The following ITGA11 variants were observed in gnomAD, a reference collection of about 807,000 sequenced individuals.
ITGA11 encodes the protein integrin alpha-11.
A neutral mutation model predicts 141.9 loss-of-function variants in ITGA11; 97 were observed. The ratio of observed to expected loss-of-function variants is 0.68; its 90% CI spans 0.58 to 0.81. The LOEUF (loss-of-function observed/expected upper bound fraction) is 0.81. ITGA11 is among the 30% of genes least tolerant of loss of function. The pLI, the probability that ITGA11 is intolerant of heterozygous loss-of-function variation, is 0.00. For missense variants in ITGA11, 1,387 were observed against 1,559.2 expected (o/e 0.89, Z 1.86); for synonymous variants, 658 against 624.6 (o/e 1.05, Z -0.80).
chr15:68,308,756 G>GAAAA lies in ITGA11; in HGVS notation c.3175-1064_3175-1061dup, dbSNP rs1893279830. On this transcript the variant is annotated intron_variant, in intron 26 of 29. Coordinates refer to ENST00000315757, the MANE Select transcript of ITGA11 (RefSeq NM_001004439.2). The surrounding 1 kb of genome is among the most constrained non-coding windows in gnomAD (Gnocchi z 5.2). ...GACTCTGTCTCAAAAGAAAAGAAAA[G>GAAAA]AAAAGAAAGAAAAGAAAAGAAAAGA... Among the ~76,000 whole-genome samples, 1 of 3,390 alleles carries GAAAA rather than the reference G, an allele frequency of 2.9e-4. No individual in the cohort carries two copies. The highest frequency in any genetic ancestry group is 4.1e-3 in the Admixed American group (1 of 246). The allele number at this position is 3,390 out of a possible 152,430, so 2.2% of individuals were successfully genotyped here.
At chr15:68,429,364 T>C (rs919150952) in intron 1 of ITGA11, among the ~76,000 whole-genome samples, 6 of 152,220 alleles carry the variant, frequency 3.9e-5, no homozygotes, top group African/African-American at 1.4e-4. Context: ...TAACAGGTGC[T>C]CAGCAAAGAT....
rs539873187 is a variant in ITGA11 at position 68,343,993 on chromosome 15, G to A, written c.1132-4349C>T. Among the ~76,000 whole-genome samples, 9 of 152,268 alleles carry A rather than the reference G, an allele frequency of 5.9e-5. No homozygotes were observed. In the East Asian group the frequency reaches 1.2e-3, roughly 20 times the overall value. On this transcript the variant is annotated intron_variant, in intron 10 of 29. Coordinates refer to ENST00000315757, the MANE Select transcript of ITGA11 (RefSeq NM_001004439.2). ...CAGAAGGGGCCGCGGGGACCTGGGC[G>A]TGCTACACTGACTGCTCATTCCCCA...
Position 68,332,066 on chromosome 15 carries a change from C to T in ITGA11, c.1567-4G>A, listed in dbSNP as rs768974968. 1.5e-5 allele frequency: 24 copies of T among 1,585,940 alleles called. 1 individual carries two copies. In the Middle Eastern group the frequency reaches 5.0e-4, roughly 33 times the overall value. ...TTCCGTTATAAACAAACAGGTTCTGCAAAACCAGGGGCAGAAAAAGGCTGG... is the reference window on the plus strand; with the variant it reads ...TTCCGTTATAAACAAACAGGTTCTGTAAAACCAGGGGCAGAAAAAGGCTGG... On this transcript the variant is annotated splice_region_variant and splice_polypyrimidine_tract_variant and intron_variant, in intron 13 of 29. Coordinates refer to ENST00000315757, the MANE Select transcript of ITGA11 (RefSeq NM_001004439.2).
rs576173743 is a variant in ITGA11, at chr15:68,322,488, C to T, written c.2323-985G>A. 4.9e-4 allele frequency among the ~76,000 whole-genome samples: 74 copies of T among 152,118 alleles called. No individual in the cohort carries two copies. Among genetic ancestry groups the T allele is most frequent in the Non-Finnish European group, 9.1e-4 (62 of 67,990 alleles). On this transcript the variant is annotated intron_variant, in intron 18 of 29. Transcript: ENST00000315757. This position sits in a 1 kb window ranked among gnomAD's most constrained non-coding sequence, Gnocchi z 5.6. ...GGATCAATAGGAACCTGGAGGTTGT[C>T]GGGGCTGAGGGAGAAAGGGGTCCAG... is the stretch of plus-strand genomic sequence containing the variant.
chr15:68,380,542 G>A (rs1453520830), intron 2 of ITGA11, among the ~76,000 whole-genome samples: 7 of 152,190 alleles, frequency 4.6e-5, no homozygotes, highest in Non-Finnish European at 1.0e-4. Flanking sequence ...CGCAAGAGGG[G>A]TCTCCAGGTG....
chr15:68,369,145 C>T (rs375028734), intron 3 of ITGA11, 39 bp downstream of exon 3: 21 of 1,448,318 alleles, frequency 1.4e-5, no homozygotes, highest in African/African-American at 1.1e-4. Context: ...GTTAGACAAC[C>T]GCTGGCCTCA....
chr15:68,324,675 A>G lies in ITGA11; in HGVS notation c.2322+456T>C, dbSNP rs566716118. 2.2e-4 allele frequency among the ~76,000 whole-genome samples: 33 copies of G among 152,180 alleles called. 1 individual carries two copies. In the South Asian group the frequency reaches 6.6e-3, roughly 31 times the overall value. ...TGCTTAGGACCGCTGTCAGTCAGTT[A>G]AAACACTTCTTTTTGCAATACTTAG... On this transcript the variant is annotated intron_variant, in intron 18 of 29. Transcript: ENST00000315757. This position sits in a 1 kb window ranked among gnomAD's most constrained non-coding sequence, Gnocchi z 6.3.
chr15:68,393,757 G>T (rs1486607335), intron 2 of ITGA11, among the ~76,000 whole-genome samples: 1 of 152,126 alleles, frequency 6.6e-6, no homozygotes, highest in Non-Finnish European at 1.5e-5. Context: ...TATCTCAAAT[G>T]AGAGCACAGA....
rs1250101992 is a variant in ITGA11, at chr15:68,297,415, A to C, written c.*5644T>G. ...TTAATAGATTTAGGGACATCTGTAC[A>C]GTTCTGCACTTCTGAGCTTTTTTTT... On this transcript the variant is annotated 3_prime_UTR_variant, in exon 30 of 30. Transcript: ENST00000315757. The C allele has an allele frequency of 7.0e-6, 1 of 142,578 alleles. No homozygotes were observed. Among genetic ancestry groups the C allele is most frequent in the Non-Finnish European group, 1.5e-5 (1 of 66,326 alleles). 8.8% of individuals were successfully genotyped at this position (142,578 alleles called of 1,614,324 possible). A position where few individuals can be genotyped will look rare whatever the true frequency, so the allele number is the denominator to read the frequency against.
At chr15:68,427,717 T>C (rs1422098646) in intron 1 of ITGA11, among the ~76,000 whole-genome samples, 2 of 152,162 alleles carry the variant, frequency 1.3e-5, no homozygotes, top group Admixed American at 1.3e-4. Context: ...GTAACAAACT[T>C]AATGGGCATT....
chr15:68,380,693 T>C (rs1034017818), intron 2 of ITGA11, among the ~76,000 whole-genome samples: 3 of 152,164 alleles, frequency 2.0e-5, no homozygotes, highest in Non-Finnish European at 4.4e-5. Flanking sequence ...GGGTCCCGCA[T>C]GGTGCCGGCG....
chr15:68,370,807 A>T (rs1209703003), intron 2 of ITGA11, among the ~76,000 whole-genome samples: 1 of 152,162 alleles, frequency 6.6e-6, no homozygotes, highest in Non-Finnish European at 1.5e-5. Context: ...CTGCCTGGTG[A>T]CATGGCCCAA....
intron 22 of ITGA11, among the ~76,000 whole-genome samples, chr15:68,314,647 G>A (rs977119960): frequency 6.6e-6 from 1 of 152,160 alleles, no homozygotes; most frequent in Non-Finnish European, 1.5e-5. Flanking sequence ...CAGAGACACT[G>A]CTCTGCAAGC....
At chr15:68,430,977 A>G (rs1298550472) in intron 1 of ITGA11, among the ~76,000 whole-genome samples, 3 of 152,156 alleles carry the variant, frequency 2.0e-5, no homozygotes, top group African/African-American at 7.2e-5. Context: ...GACCCCCACT[A>G]CTGGCCCCAG....
chr15:68,317,616 G>A (rs1239857671), intron 20 of ITGA11, among the ~76,000 whole-genome samples: 2 of 112,360 alleles, frequency 1.8e-5, no homozygotes, highest in Admixed American at 1.0e-4. Flanking sequence ...GGAGGATGGC[G>A]GGGGCTCATG....
At position 68,422,164 on chromosome 15, in the gene ITGA11, G is replaced by A. The variant is rs146264741; in HGVS notation, c.52+9851C>T. Among the ~76,000 whole-genome samples the A allele has an allele frequency of 2.4e-3, 360 of 152,276 alleles. 1 individual carries two copies. Among genetic ancestry groups the A allele is most frequent in the African/African-American group, 7.9e-3 (330 of 41,550 alleles). On this transcript the variant is annotated intron_variant, in intron 1 of 29. Transcript: ENST00000315757. ...ACTCAGGCCCGCACCACTGAGGCAC[G>A]TCTGTGTGAAAGCTCCCAGTCAAAC... is the stretch of plus-strand genomic sequence containing the variant.
chr15:68,382,156 G>T (rs1303966409), intron 2 of ITGA11, among the ~76,000 whole-genome samples: 1 of 152,190 alleles, frequency 6.6e-6, no homozygotes, highest in Non-Finnish European at 1.5e-5. Context: ...ATTTCAAGAA[G>T]CCATAAAGAA....
chr15:68,332,199 G>A (rs1221904188), intron 13 of ITGA11, 137 bp from the exon 14 acceptor site: 2 of 1,260,452 alleles, frequency 1.6e-6, no homozygotes, highest in East Asian at 5.1e-5. Context: ...TATGAACCCA[G>A]CCACAGAGGA....
Position 68,335,763 on chromosome 15 carries a change from C to G in ITGA11, c.1359G>C (p.Lys453Asn). 1 of 1,613,882 alleles carries G rather than the reference C, an allele frequency of 6.2e-7. No homozygotes were observed. The highest frequency in any genetic ancestry group is 8.5e-7 in the Non-Finnish European group (1 of 1,179,854). Residue 453 changes from lysine to asparagine, a missense_variant, in exon 12 of 30, where the codon AAG (lysine) becomes AAC (asparagine). By Grantham distance (94) the Lys-to-Asn change is moderately conservative. Transcript: ENST00000315757. The surrounding 1 kb of genome is among the most constrained non-coding windows in gnomAD (Gnocchi z 4.9). ...AGAPRFNHTG[K>N]VILFTMHNNR... ...TGTTGTGCATGGTGAACAGGATGAC[C>G]TTGCCCGTGTGGTTGAACCGGGGGG...
Sources: allele counts gnomAD v4.1 joint callset (sites outside exome capture counted in the v4.1 genomes callset), GRCh38; gene constraint gnomAD v4.1.1; non-coding constraint Gnocchi (gnomAD v3.1); transcripts MANE v1.5; gene names NCBI Gene and HGNC (gene_info 2026-07-23, HGNC 2026-07-21).